The following TBC1D5 variants were observed in gnomAD, a reference collection of about 807,000 sequenced individuals.
TBC1D5 encodes the protein TBC1 domain family member 5.
In TBC1D5, 75 loss-of-function variants were observed where a neutral mutation model predicts 100.3. The observed-to-expected ratio is 0.75, with a 90% CI of 0.62 to 0.91. The LOEUF (loss-of-function observed/expected upper bound fraction) is 0.91. TBC1D5 is among the 40% of genes least tolerant of loss of function. TBC1D5 has a pLI of 0.00. For missense variants in TBC1D5, 910 were observed against 942.4 expected (o/e 0.97, Z 0.45); for synonymous variants, 323 against 325.6 (o/e 0.99, Z 0.09).
At chr3:17,397,483 A>C (rs1397476002) in intron 8 of TBC1D5, among the ~76,000 whole-genome samples, 1 of 152,122 alleles carries the variant, frequency 6.6e-6, no homozygotes, top group Non-Finnish European at 1.5e-5. Context: ...GAGATCCCCC[A>C]ACTGCAGCCT....
In TBC1D5 at chr3:17,724,690, A is replaced by G. The variant is rs575520420; in HGVS notation, c.-101+14653T>C. On this transcript the variant is annotated intron_variant, in intron 1 of 21. Coordinates refer to ENST00000253692, the Ensembl canonical transcript of TBC1D5. ...AAACATTCTCAACTATTATCTCATC[A>G]AATATTGTCTATTCCTTTCCCATTA... Among the ~76,000 whole-genome samples, 8 of 152,320 alleles carry G rather than the reference A, an allele frequency of 5.3e-5. No individual in the cohort carries two copies. In the South Asian group the frequency reaches 1.7e-3, roughly 32 times the overall value.
chr3:17,646,352 G>A (rs974402660), intron 1 of TBC1D5, among the ~76,000 whole-genome samples: 2 of 152,032 alleles, frequency 1.3e-5, no homozygotes, highest in South Asian at 4.1e-4. Context: ...TTTGTTTTTA[G>A]CCACTCAGTT....
intron 4 of TBC1D5, among the ~76,000 whole-genome samples, chr3:17,416,441 C>A (rs922656161): frequency 6.6e-6 from 1 of 152,118 alleles, no homozygotes; most frequent in Non-Finnish European, 1.5e-5. Flanking sequence ...TTAAGGATGG[C>A]AACAATTCAC....
At chr3:17,511,013 C>T (rs11927232) in intron 2 of TBC1D5, among the ~76,000 whole-genome samples, 3,007 of 151,744 alleles carry the variant, frequency 0.02, 102 homozygotes, top group African/African-American at 0.068. Flanking sequence ...TAAGTCAGTG[C>T]GACAAAAAGA....
At chr3:17,455,421 T>C (rs2095051942) in intron 3 of TBC1D5, among the ~76,000 whole-genome samples, 1 of 146,706 alleles carries the variant, frequency 6.8e-6, no homozygotes. Flanking sequence ...TATATATGTA[T>C]ATATGTGTGT....
chr3:17,494,970 C>T (rs2150645935), intron 3 of TBC1D5, among the ~76,000 whole-genome samples: 1 of 152,288 alleles, frequency 6.6e-6, no homozygotes, highest in East Asian at 1.9e-4. Context: ...ATTTCCCAGG[C>T]AGGGTAGTAC....
rs116343183 is a variant in TBC1D5 at position 17,535,422 on chromosome 3, A to T, written c.-35-26817T>A. Reference sequence around the variant, plus strand: ...TAGTTGAAAGACATTTGACAATACAATTGCTGAAAAATTCAATGTTCCCTT... The same window carrying T: ...TAGTTGAAAGACATTTGACAATACATTTGCTGAAAAATTCAATGTTCCCTT... On this transcript the variant is annotated intron_variant, in intron 2 of 21. Transcript: ENST00000253692. Among the ~76,000 whole-genome samples, 226 of 152,258 alleles carry T rather than the reference A, an allele frequency of 1.5e-3. 2 individuals carry two copies. Among genetic ancestry groups the T allele is most frequent in the African/African-American group, 5.2e-3 (216 of 41,564 alleles).
At chr3:17,447,543 G>C (rs2094829429) in intron 3 of TBC1D5, among the ~76,000 whole-genome samples, 2 of 152,210 alleles carry the variant, frequency 1.3e-5, no homozygotes, top group Non-Finnish European at 2.9e-5. Flanking sequence ...CTCTGTTACA[G>C]AAAGCTAAAG....
intron 13 of TBC1D5, among the ~76,000 whole-genome samples, chr3:17,356,343 G>C (rs551522832): frequency 9.9e-5 from 15 of 152,198 alleles, no homozygotes; most frequent in African/African-American, 2.6e-4. Context: ...TTTCAGGCTT[G>C]CTGCTTCAAA....
At chr3:17,371,942 T>C (rs1372882522) in intron 13 of TBC1D5, 133 bp downstream of exon 13, 20 of 744,020 alleles carry the variant, frequency 2.7e-5, no homozygotes, top group Non-Finnish European at 3.5e-5. Context: ...GAAGCTGAGA[T>C]GGGAGGATCG....
At chr3:17,688,506 C>T (rs2070653706) in intron 1 of TBC1D5, among the ~76,000 whole-genome samples, 1 of 152,162 alleles carries the variant, frequency 6.6e-6, no homozygotes, top group South Asian at 2.1e-4. Context: ...GTTCAGGCTT[C>T]AATTTATTTT....
At chr3:17,197,665 C>CCTAG (rs540206637) in intron 18 of TBC1D5, among the ~76,000 whole-genome samples, 232 of 152,264 alleles carry the variant, frequency 1.5e-3, no homozygotes, top group African/African-American at 5.4e-3. Flanking sequence ...AGTTACTGTG[C>CCTAG]CTAGACTCCC....
chr3:17,348,018 C>T (rs1334265164), intron 13 of TBC1D5, among the ~76,000 whole-genome samples: 3 of 151,932 alleles, frequency 2.0e-5, no homozygotes, highest in African/African-American at 4.8e-5. Context: ...CATAAAAAGT[C>T]GTCCATTAGA....
chr3:17,311,585 A>G (rs2084036518), intron 13 of TBC1D5, among the ~76,000 whole-genome samples: 2 of 152,070 alleles, frequency 1.3e-5, no homozygotes, highest in Non-Finnish European at 2.9e-5. Flanking sequence ...TTTGCCAATG[A>G]GTTTATGAAA....
intron 3 of TBC1D5, among the ~76,000 whole-genome samples, chr3:17,454,897 A>C (rs60066286): frequency 0.091 from 13,846 of 152,100 alleles, 1,429 homozygotes; most frequent in African/African-American, 0.26. Context: ...GTCTACAATT[A>C]AAACTATCAA....
intron 16 of TBC1D5, 119 bp from the exon 17 acceptor site, chr3:17,238,538 C>A: frequency 8.5e-7 from 1 of 1,173,852 alleles, no homozygotes; most frequent in Non-Finnish European, 1.1e-6. Context: ...ACTAGACCAG[C>A]TATATAAAGT....
chr3:17,340,211 C>T (rs2088651913), intron 13 of TBC1D5, among the ~76,000 whole-genome samples: 1 of 152,152 alleles, frequency 6.6e-6, no homozygotes, highest in African/African-American at 2.4e-5. Context: ...CCCCTCTATA[C>T]TGGGAATGGG....
At chr3:17,254,774 G>GT (rs1010830907) in intron 16 of TBC1D5, among the ~76,000 whole-genome samples, 1 of 99,022 alleles carries the variant, frequency 1.0e-5, no homozygotes, top group Non-Finnish European at 1.9e-5. Context: ...GGTGGGGGGG[G>GT]GGTCCCAAGA....
intron 19 of TBC1D5, among the ~76,000 whole-genome samples, chr3:17,180,737 A>G (rs1228946051): frequency 6.6e-6 from 1 of 152,164 alleles, no homozygotes; most frequent in East Asian, 1.9e-4. Flanking sequence ...ATATGGACAT[A>G]GAGCATGGAA....
Sources: gnomAD v4.1 joint callset for allele counts (sites outside exome capture counted in the v4.1 genomes callset) on GRCh38, gnomAD v4.1.1 for gene constraint, MANE v1.5 for transcripts, NCBI Gene and HGNC (gene_info 2026-07-23, HGNC 2026-07-21) for gene names.